Variants in CPEB1 observed in about 807,000 individuals in gnomAD.
CPEB1 encodes cytoplasmic polyadenylation element binding protein 1.
In CPEB1, 7 loss-of-function variants were observed where a neutral mutation model predicts 65.8. The ratio of observed to expected loss-of-function variants is 0.11; its 90% confidence interval spans 0.06 to 0.20. The LOEUF is 0.20. Ranked by LOEUF, CPEB1 falls within the 10% of genes least tolerant of loss-of-function variation. The probability of loss-of-function intolerance (pLI) is 1.00; values close to 1 mark genes in which losing one functional copy is unlikely to be tolerated. For synonymous variants in CPEB1, 262 were observed against 260.0 expected (o/e 1.01, Z -0.08); for missense variants, 551 against 712.2 (o/e 0.77, Z 2.58).
At chr15:82,577,741 T>TCA (rs376078207) in intron 3 of CPEB1, among the ~76,000 whole-genome samples, 68 of 152,184 alleles carry the variant, frequency 4.5e-4, no homozygotes, top group African/African-American at 1.6e-3. Context: ...CAAGCTGTTC[T>TCA]CAGACTCTTG....
intron 3 of CPEB1, among the ~76,000 whole-genome samples, chr15:82,580,320 A>G (rs984775361): frequency 3.7e-5 from 4 of 109,182 alleles, no homozygotes; most frequent in African/African-American, 1.9e-4. Context: ...ACTCTGTCTT[A>G]AAAAAAAAAA....
At position 82,628,499 on chromosome 15, in the gene CPEB1, C is replaced by A; in HGVS notation, c.-40G>T. The A allele has an allele frequency of 1.4e-6, 1 of 701,348 alleles. No individual in the cohort carries two copies. The highest frequency in any genetic ancestry group is 1.5e-5 in the South Asian group (1 of 67,010). The allele number at this position is 701,348 out of a possible 1,614,324, so 43.4% of individuals were successfully genotyped here. ...ATCTGGCAAAAGGGTTCCGATTATT[C>A]AAGGCTGCTTTTGACTTCTTTTACA... is the stretch of plus-strand genomic sequence containing the variant. On this transcript the variant is annotated 5_prime_UTR_variant, in exon 2 of 13. Transcript: ENST00000684509.
chr15:82,554,104 A>G (rs1039421405), intron 6 of CPEB1, 113 bp from the exon 7 acceptor site: 3 of 598,798 alleles, frequency 5.0e-6, no homozygotes, highest in African/African-American at 1.9e-5. Context: ...ATCCTTGCCC[A>G]GATGCCTGAG....
At chr15:82,583,001 A>G (rs1055789378) in intron 3 of CPEB1, among the ~76,000 whole-genome samples, 3 of 151,950 alleles carry the variant, frequency 2.0e-5, no homozygotes, top group African/African-American at 7.3e-5. Flanking sequence ...TCAGCCTCCC[A>G]AAGTGCTGTA....
At chr15:82,573,645 C>T (rs2040332964) in intron 3 of CPEB1, among the ~76,000 whole-genome samples, 1 of 152,022 alleles carries the variant, frequency 6.6e-6, no homozygotes, top group Non-Finnish European at 1.5e-5. Flanking sequence ...TACCCCCATC[C>T]CTCACGAGGA....
intron 4 of CPEB1, among the ~76,000 whole-genome samples, chr15:82,564,137 C>T (rs2038705922): frequency 1.3e-5 from 2 of 152,284 alleles, no homozygotes; most frequent in South Asian, 4.1e-4. Flanking sequence ...TAGCAATTAG[C>T]TCAACATCTG....
chr15:82,629,448 C>CTATA lies in CPEB1; in HGVS notation c.-97-896_-97-893dup, dbSNP rs71297508. On this transcript the variant is annotated intron_variant, in intron 1 of 12. Coordinates refer to ENST00000684509, the MANE Select transcript of CPEB1 (RefSeq NM_001365242.1). ...ACATTACCGAATGAAAAAAGAACTC[C>CTATA]TATATATATATATAAAAAATCATGA... 86 of 969,708 alleles carry CTATA rather than the reference C, an allele frequency of 8.9e-5. No homozygotes were observed. In the East Asian group the frequency reaches 5.6e-3, roughly 63 times the overall value. 60.1% of individuals were successfully genotyped at this position (969,708 alleles called of 1,614,324 possible). A position where few individuals can be genotyped will look rare whatever the true frequency, so the allele number is the denominator to read the frequency against.
chr15:82,645,766 G>A (rs747555049), intron 1 of CPEB1, among the ~76,000 whole-genome samples: 1 of 152,090 alleles, frequency 6.6e-6, no homozygotes, highest in Non-Finnish European at 1.5e-5. Flanking sequence ...TACACAGGAG[G>A]CTGAGGCAGG....
chr15:82,549,620 A>C lies in CPEB1; in HGVS notation c.1320T>G (p.Phe440Leu). 1.2e-6 allele frequency: 2 copies of C among 1,614,212 alleles called. No individual in the cohort carries two copies. The highest frequency in any genetic ancestry group is 1.7e-6 in the Non-Finnish European group (2 of 1,180,024). ...VIPWVLADSNFVRSPSQRLDP... is the reference protein window; with the variant it reads ...VIPWVLADSNLVRSPSQRLDP... ...CAAGCCTCTGAGATGGGCTCCGGAC[A>C]AAGTTACTGTCGGCTAATACCCAGG... The change falls in exon 10 of 13, where the codon TTT (phenylalanine) becomes TTG (leucine). Residue 440 changes from phenylalanine to leucine, a missense_variant. Physicochemically the swap from Phe to Leu is conservative, Grantham distance 22. Around this residue, in one of 6 missense-constraint regions of CPEB1, gnomAD observed 99 missense variants for 161.3 expected, o/e 0.61. Coordinates refer to ENST00000684509, the MANE Select transcript of CPEB1 (RefSeq NM_001365242.1).
chr15:82,604,697 C>T (rs1433307854), intron 3 of CPEB1, among the ~76,000 whole-genome samples: 3 of 152,106 alleles, frequency 2.0e-5, no homozygotes, highest in South Asian at 4.2e-4. Flanking sequence ...AAACAATCAG[C>T]AAGGCTGAAG....
chr15:82,631,982 CTTT>C lies in CPEB1; in HGVS notation c.-97-3429_-97-3427del, dbSNP rs10656923. Among the ~76,000 whole-genome samples the C allele has an allele frequency of 9.6e-5, 12 of 124,988 alleles. 1 individual carries two copies. The highest frequency in any genetic ancestry group is 2.1e-4 in the African/African-American group (7 of 32,602). 82.0% of individuals were successfully genotyped at this position (124,988 alleles called of 152,430 possible). On this transcript the variant is annotated intron_variant, in intron 1 of 12. Coordinates refer to ENST00000684509, the MANE Select transcript of CPEB1 (RefSeq NM_001365242.1). ...ACACAGAATTCATTTATTTTTTTCT[CTTT>C]TTTTTTTTTTTTTTGAGACGGAGTC...
At chr15:82,569,236 C>T (rs1050059340) in intron 4 of CPEB1, among the ~76,000 whole-genome samples, 1 of 152,154 alleles carries the variant, frequency 6.6e-6, no homozygotes, top group Admixed American at 6.5e-5. Context: ...AGGTAGTACC[C>T]TCATGTGGGC....
chr15:82,595,219 A>G (rs1258866577), intron 3 of CPEB1, among the ~76,000 whole-genome samples: 1 of 152,250 alleles, frequency 6.6e-6, no homozygotes, highest in African/African-American at 2.4e-5. Flanking sequence ...ATTCATCACC[A>G]GTTAATAGAC....
At chr15:82,642,931 A>G (rs150511424) in intron 1 of CPEB1, among the ~76,000 whole-genome samples, 2 of 152,374 alleles carry the variant, frequency 1.3e-5, no homozygotes, top group East Asian at 3.9e-4. Flanking sequence ...ACTGTAAGCC[A>G]AAAGTACTAA....
chr15:82,633,730 T>C (rs1172779381), intron 1 of CPEB1, among the ~76,000 whole-genome samples: 2 of 152,206 alleles, frequency 1.3e-5, no homozygotes, highest in African/African-American at 4.8e-5. Context: ...AGATAAGAGC[T>C]GACACTCCTA....
At chr15:82,647,791 C>T (rs1252283952), upstream of CPEB1, 6 of 1,250,070 alleles carry the variant, frequency 4.8e-6, no homozygotes, top group South Asian at 1.7e-4. Context: ...CCCGGCTGCG[C>T]GCGGACCGTT....
intron 3 of CPEB1, among the ~76,000 whole-genome samples, chr15:82,588,162 G>A (rs1346082709): frequency 2.0e-5 from 3 of 151,754 alleles, no homozygotes; most frequent in Admixed American, 6.6e-5. Flanking sequence ...TGCCCAGGCT[G>A]GTCTCGAACT....
chr15:82,602,717 G>A (rs1181672875), intron 3 of CPEB1, among the ~76,000 whole-genome samples: 1 of 152,048 alleles, frequency 6.6e-6, no homozygotes, highest in Non-Finnish European at 1.5e-5. Context: ...ATGGTGGCAA[G>A]TGCCTGTAAT....
At chr15:82,548,310 G>A (rs574064094) in intron 10 of CPEB1, among the ~76,000 whole-genome samples, 7 of 152,158 alleles carry the variant, frequency 4.6e-5, no homozygotes, top group Admixed American at 1.3e-4. Context: ...ACTCCAGCAC[G>A]GCAACAGAGT....
Sources: allele counts gnomAD v4.1 joint callset (sites outside exome capture counted in the v4.1 genomes callset), GRCh38; gene constraint gnomAD v4.1.1; regional missense constraint gnomAD v4.1.1; transcripts MANE v1.5; gene names NCBI Gene and HGNC (gene_info 2026-07-23, HGNC 2026-07-21).